NKAIN3: variants seen among roughly 807,000 people sequenced by gnomAD.
The protein encoded by NKAIN3 is sodium/potassium transporting ATPase interacting 3.
In NKAIN3, 25 loss-of-function variants were observed where a neutral mutation model predicts 30.2. That is an observed-to-expected ratio of 0.83 (90% CI 0.60 to 1.16). The LOEUF (loss-of-function observed/expected upper bound fraction) is 1.16, where lower values mean the gene tolerates loss of function less well. NKAIN3 is among the 50% of genes most tolerant of loss of function. NKAIN3 has a pLI of 0.00. For missense variants in NKAIN3, 225 were observed against 254.1 expected (o/e 0.89, Z 0.78); for synonymous variants, 91 against 89.6 (o/e 1.02, Z -0.09).
chr8:62,524,230 A>T (rs530746660), intron 1 of NKAIN3, among the ~76,000 whole-genome samples: 97 of 151,316 alleles, frequency 6.4e-4, no homozygotes, highest in African/African-American at 2.3e-3. Flanking sequence ...ACCAAAATAT[A>T]TATATATATA....
chr8:62,747,000 T>A lies in NKAIN3; in HGVS notation c.342T>A (p.Cys114Ter). 1 of 1,613,900 alleles carries A rather than the reference T, an allele frequency of 6.2e-7. No individual in the cohort carries two copies. The highest frequency in any genetic ancestry group is 8.5e-7 in the Non-Finnish European group (1 of 1,179,776). ...GGTGGAGAGAACATGGGCCTGGTTG[T>A]GTCAGAAGAGTGCTGCCTCCCTCAG... is the stretch of plus-strand genomic sequence containing the variant. ...RSWWREHGPGCVRRVLPPSAH... is the reference protein window; with the variant it reads ...RSWWREHGPG Residue 114 changes from cysteine (C) to a stop codon, truncating the protein, a stop_gained, in exon 4 of 7, where the codon TGT becomes TGA. Transcript: ENST00000623646. LOFTEE classifies it high-confidence loss of function.
intron 1 of NKAIN3, among the ~76,000 whole-genome samples, chr8:62,530,925 G>A (rs1049863912): frequency 3.3e-5 from 5 of 152,222 alleles, no homozygotes; most frequent in South Asian, 2.1e-4. Context: ...AATTATGGGC[G>A]TGAACCACCG....
intron 1 of NKAIN3, among the ~76,000 whole-genome samples, chr8:62,337,633 C>T (rs1260134622): frequency 6.6e-6 from 1 of 151,820 alleles, no homozygotes; most frequent in African/African-American, 2.4e-5. Flanking sequence ...TATGTGTGTA[C>T]ACATATACAA....
At chr8:62,907,999 A>G (rs1821830843) in intron 4 of NKAIN3, among the ~76,000 whole-genome samples, 1 of 152,210 alleles carries the variant, frequency 6.6e-6, no homozygotes, top group African/African-American at 2.4e-5. Flanking sequence ...TGGAAAAGCC[A>G]CAGACACTCA....
chr8:62,940,636 T>C (rs924033988), intron 5 of NKAIN3, among the ~76,000 whole-genome samples: 18 of 151,992 alleles, frequency 1.2e-4, no homozygotes, highest in African/African-American at 7.2e-5. Flanking sequence ...CCTGCAAATA[T>C]ATAGAAATTA....
intron 4 of NKAIN3, among the ~76,000 whole-genome samples, chr8:62,905,935 CT>C (rs1251588209): frequency 6.6e-6 from 1 of 152,180 alleles, no homozygotes; most frequent in Non-Finnish European, 1.5e-5. Context: ...TGTGTCATTG[CT>C]CTTTACCTGA....
chr8:62,268,799 C>CTATTTT (rs1366544650), intron 1 of NKAIN3, among the ~76,000 whole-genome samples: 2 of 152,164 alleles, frequency 1.3e-5, no homozygotes, highest in African/African-American at 2.4e-5. Context: ...GTTCTCTCTA[C>CTATTTT]TGCTACAAAG....
rs552787830 is a variant in NKAIN3 at position 62,421,010 on chromosome 8, G to A, written c.55-158529G>A. Among the ~76,000 whole-genome samples, 404 of 152,232 alleles carry A rather than the reference G, an allele frequency of 2.7e-3. 1 individual carries two copies. The highest frequency in any genetic ancestry group is 5.0e-3 in the Non-Finnish European group (339 of 68,016). ...GATGACTATATCGGGTCTTAAACAT[G>A]GCAGATAATCCACTCATCATTCTTA... On this transcript the variant is annotated intron_variant, in intron 1 of 6. Transcript: ENST00000623646.
chr8:62,268,560 A>G (rs1007015504), intron 1 of NKAIN3, among the ~76,000 whole-genome samples: 5 of 152,330 alleles, frequency 3.3e-5, no homozygotes, highest in Non-Finnish European at 4.4e-5. Context: ...CAATATTTCA[A>G]TAAGTGGGAA....
intron 4 of NKAIN3, among the ~76,000 whole-genome samples, chr8:62,820,630 C>T (rs1818820497): frequency 6.6e-6 from 1 of 152,034 alleles, no homozygotes; most frequent in Non-Finnish European, 1.5e-5. Context: ...AGACCGAAGG[C>T]AAAACTCTGG....
At chr8:62,433,034 TTTAA>T (rs1407902447) in intron 1 of NKAIN3, among the ~76,000 whole-genome samples, 1 of 152,196 alleles carries the variant, frequency 6.6e-6, no homozygotes, top group Non-Finnish European at 1.5e-5. Flanking sequence ...AGGGATAATC[TTTAA>T]TTAATTACTT....
At chr8:62,442,180 A>G (rs1310123036) in intron 1 of NKAIN3, among the ~76,000 whole-genome samples, 1 of 152,022 alleles carries the variant, frequency 6.6e-6, no homozygotes, top group Non-Finnish European at 1.5e-5. Context: ...AGTTTAGCTT[A>G]TCTGTTCCTT....
intron 4 of NKAIN3, among the ~76,000 whole-genome samples, chr8:62,829,675 A>G (rs1400925824): frequency 6.6e-6 from 1 of 152,166 alleles, no homozygotes; most frequent in African/African-American, 2.4e-5. Flanking sequence ...TTAAATAAGA[A>G]TGATAACATG....
intron 1 of NKAIN3, among the ~76,000 whole-genome samples, chr8:62,469,607 A>G (rs1405847111): frequency 6.6e-6 from 1 of 151,964 alleles, no homozygotes; most frequent in Non-Finnish European, 1.5e-5. Flanking sequence ...TACTATTTTT[A>G]TGACTTTATT....
chr8:62,315,576 T>A (rs956981317), intron 1 of NKAIN3, among the ~76,000 whole-genome samples: 1 of 151,564 alleles, frequency 6.6e-6, no homozygotes, highest in Non-Finnish European at 1.5e-5. Flanking sequence ...CAGTTATTAT[T>A]AGCTTTGGCA....
At chr8:62,290,966 G>A (rs1010048195) in intron 1 of NKAIN3, among the ~76,000 whole-genome samples, 5 of 152,066 alleles carry the variant, frequency 3.3e-5, no homozygotes, top group East Asian at 1.9e-4. Context: ...TTTAGTCTTC[G>A]GAGGGTGTAT....
chr8:62,530,258 G>A (rs1463546307), intron 1 of NKAIN3, among the ~76,000 whole-genome samples: 2 of 151,528 alleles, frequency 1.3e-5, no homozygotes, highest in African/African-American at 4.9e-5. Context: ...AAAATCTTTA[G>A]CAAGATGATG....
At chr8:62,322,959 A>T (rs183737551) in intron 1 of NKAIN3, among the ~76,000 whole-genome samples, 49 of 152,356 alleles carry the variant, frequency 3.2e-4, no homozygotes, top group African/African-American at 1.1e-3. Context: ...CATCAGGATA[A>T]TGCAAATTAA....
At chr8:62,857,072 C>G (rs1307105314) in intron 4 of NKAIN3, 2 of 470,410 alleles carry the variant, frequency 4.3e-6, no homozygotes, top group African/African-American at 4.0e-5. Flanking sequence ...TAATACGACT[C>G]CCACCTTTAC....
Sources: allele counts gnomAD v4.1 joint callset (sites outside exome capture counted in the v4.1 genomes callset), GRCh38; gene constraint gnomAD v4.1.1; transcripts MANE v1.5; gene names NCBI Gene and HGNC (gene_info 2026-07-23, HGNC 2026-07-21).